The following AUH variants were observed in gnomAD, a reference collection of about 807,000 sequenced individuals.
AUH encodes methylglutaconyl-CoA hydratase, mitochondrial.
In AUH, 29 loss-of-function variants were observed where a neutral mutation model predicts 42.3. The observed-to-expected ratio is 0.69, with a 90% CI of 0.51 to 0.93. The LOEUF (loss-of-function observed/expected upper bound fraction) is 0.93, where lower values mean the gene tolerates loss of function less well. AUH is among the 40% of genes least tolerant of loss of function. The pLI is 0.00. For missense variants in AUH, 452 were observed against 438.1 expected (o/e 1.03, Z -0.28); for synonymous variants, 174 against 166.4 (o/e 1.05, Z -0.35).
At chr9:91,298,193 T>C (rs1827503385) in intron 4 of AUH, 117 bp from the exon 5 acceptor site, 2 of 755,746 alleles carry the variant, frequency 2.6e-6, no homozygotes, top group African/African-American at 3.5e-5. Flanking sequence ...ATACAGACTT[T>C]TGTATCCCTT....
At chr9:91,257,432 C>T (rs890155400) in intron 6 of AUH, among the ~76,000 whole-genome samples, 1 of 152,130 alleles carries the variant, frequency 6.6e-6, no homozygotes, top group African/African-American at 2.4e-5. Context: ...GGAGCAGCAG[C>T]AGTGCGAGGA....
chr9:91,346,319 T>C (rs1002954022), intron 3 of AUH, among the ~76,000 whole-genome samples: 3 of 152,060 alleles, frequency 2.0e-5, no homozygotes, highest in South Asian at 4.1e-4. Context: ...TCAATCATTA[T>C]GTAAAGAGGC....
At chr9:91,260,955 TTTCAC>T (rs1247588206) in intron 6 of AUH, among the ~76,000 whole-genome samples, 3 of 152,166 alleles carry the variant, frequency 2.0e-5, no homozygotes, top group African/African-American at 7.2e-5. Context: ...GCAGCAAAAT[TTTCAC>T]TTCAGAGATT....
intron 4 of AUH, among the ~76,000 whole-genome samples, chr9:91,303,459 T>C (rs1827965902): frequency 6.6e-6 from 1 of 152,016 alleles, no homozygotes; most frequent in Non-Finnish European, 1.5e-5. Context: ...GTCTCCCGAG[T>C]AGCTGGGACT....
intron 6 of AUH, among the ~76,000 whole-genome samples, chr9:91,257,914 T>C (rs148839459): frequency 6.6e-6 from 1 of 152,360 alleles, no homozygotes; most frequent in Admixed American, 6.5e-5. Flanking sequence ...TCCATTTAAG[T>C]CTTCTTTCAT....
intron 4 of AUH, among the ~76,000 whole-genome samples, chr9:91,302,058 T>A (rs369767348): frequency 6.6e-6 from 1 of 152,184 alleles, no homozygotes; most frequent in Non-Finnish European, 1.5e-5. Flanking sequence ...CCCTAAAAGA[T>A]GTCTGTCGTA....
chr9:91,227,965 T>C (rs1186732652), intron 6 of AUH, among the ~76,000 whole-genome samples: 1 of 152,222 alleles, frequency 6.6e-6, no homozygotes, highest in Admixed American at 6.5e-5. Flanking sequence ...CAGTATTTTA[T>C]TGAGGATTTT....
chr9:91,347,842 T>C lies in AUH; in HGVS notation c.418+8041A>G, dbSNP rs138161601. Among the ~76,000 whole-genome samples the C allele has an allele frequency of 7.0e-4, 106 of 151,826 alleles. 1 individual carries two copies. Among genetic ancestry groups the C allele is most frequent in the African/African-American group, 2.5e-3 (102 of 41,442 alleles). On this transcript the variant is annotated intron_variant, in intron 3 of 9. Transcript: ENST00000375731. ...CATAAAAGGAAAAAAAAATGATAAA[T>C]CAGTCTTCATACATGTATACATACG...
rs767795059 is a variant in AUH at position 91,214,322 on chromosome 9, T to TG, written c.*25dup. 1.5e-4 allele frequency: 228 copies of TG among 1,570,190 alleles called. 2 individuals are homozygous for TG. In the Middle Eastern group the frequency reaches 1.7e-3, roughly 12 times the overall value. On this transcript the variant is annotated 3_prime_UTR_variant, in exon 10 of 10. Coordinates refer to ENST00000375731, the MANE Select transcript of AUH (RefSeq NM_001698.3). The stretch of plus-strand genomic sequence containing the variant: ...CTTCCAGGAAGTACATTTATTACAT[T>TG]GGCATCTTAAGAATTTCTGTTCCTT...
chr9:91,331,195 G>C (rs1368945720), intron 3 of AUH, among the ~76,000 whole-genome samples: 1 of 152,080 alleles, frequency 6.6e-6, no homozygotes, highest in Non-Finnish European at 1.5e-5. Flanking sequence ...TAACAAATTA[G>C]TAATCTACAT....
chr9:91,324,297 T>A (rs1054667373), intron 4 of AUH, among the ~76,000 whole-genome samples: 8 of 146,874 alleles, frequency 5.4e-5, no homozygotes, highest in Non-Finnish European at 9.0e-5. Context: ...GAGGCAGGAG[T>A]TCAAGATCAG....
chr9:91,339,738 C>T (rs1481334662), intron 3 of AUH, among the ~76,000 whole-genome samples: 2 of 152,166 alleles, frequency 1.3e-5, no homozygotes, highest in Admixed American at 6.5e-5. Flanking sequence ...AATGGAGTAA[C>T]TGGTACTGGA....
intron 4 of AUH, among the ~76,000 whole-genome samples, chr9:91,324,415 A>C (rs1829814994): frequency 6.6e-6 from 1 of 151,834 alleles, no homozygotes. Flanking sequence ...AGGCAGGAGG[A>C]TCTCTTGAGC....
chr9:91,324,869 A>T (rs116694622), intron 4 of AUH, among the ~76,000 whole-genome samples: 1,611 of 152,178 alleles, frequency 0.011, 29 homozygotes, highest in African/African-American at 0.036. Flanking sequence ...GAGGAAAAAA[A>T]TGTTCATTAA....
intron 6 of AUH, among the ~76,000 whole-genome samples, chr9:91,228,416 T>G (rs1365939741): frequency 6.1e-5 from 9 of 148,544 alleles, no homozygotes; most frequent in South Asian, 2.2e-4. Context: ...TTATCATTTT[T>G]TATTGCGTCT....
intron 6 of AUH, among the ~76,000 whole-genome samples, chr9:91,229,803 C>T (rs1243519883): frequency 2.2e-4 from 33 of 149,432 alleles, no homozygotes; most frequent in Non-Finnish European, 4.1e-4. Flanking sequence ...TTTATTTCTC[C>T]TTCACTTATG....
chr9:91,270,685 A>C (rs1825049757), intron 6 of AUH, among the ~76,000 whole-genome samples: 1 of 152,090 alleles, frequency 6.6e-6, no homozygotes, highest in African/African-American at 2.4e-5. Context: ...AAAATGAATA[A>C]AGAATCAGTA....
intron 7 of AUH, chr9:91,218,810 T>C (rs1264842316): frequency 2.0e-6 from 2 of 985,242 alleles, no homozygotes; most frequent in Non-Finnish European, 2.4e-6. Flanking sequence ...GGAGGACTAA[T>C]CATTTGGCAA....
At chr9:91,324,548 A>T (rs964784483) in intron 4 of AUH, among the ~76,000 whole-genome samples, 4 of 110,608 alleles carry the variant, frequency 3.6e-5, no homozygotes, top group Non-Finnish European at 5.7e-5. Context: ...AAAACCAAAT[A>T]AAAAAAAAAA....
Sources: gnomAD v4.1 joint callset for allele counts (sites outside exome capture counted in the v4.1 genomes callset) on GRCh38, gnomAD v4.1.1 for gene constraint, MANE v1.5 for transcripts, NCBI Gene and HGNC (gene_info 2026-07-23, HGNC 2026-07-21) for gene names.